The following GLIS3 variants were observed in gnomAD, a reference collection of about 807,000 sequenced individuals.
GLIS3 encodes GLIS family zinc finger 3, also known as zinc finger protein GLIS3.
A neutral mutation model predicts 78.6 loss-of-function variants in GLIS3; 53 were observed. The ratio of observed to expected loss-of-function variants is 0.67; its 90% CI spans 0.54 to 0.85. The LOEUF is 0.85. Ranked by LOEUF, GLIS3 falls within the 40% of genes least tolerant of loss-of-function variation. GLIS3 has a pLI of 0.00. For missense variants in GLIS3, 1,703 were observed against 1,231.1 expected (o/e 1.38, Z -5.74); for synonymous variants, 684 against 509.9 (o/e 1.34, Z -4.60).
At chr9:4,018,096 G>C (rs1428306386) in intron 4 of GLIS3, among the ~76,000 whole-genome samples, 1 of 152,136 alleles carries the variant, frequency 6.6e-6, no homozygotes, top group Admixed American at 6.5e-5. Flanking sequence ...TTGAAAGAGA[G>C]ACAAAACTCT....
intron 2 of GLIS3, among the ~76,000 whole-genome samples, chr9:4,126,889 T>C (rs806048): frequency 2.6e-5 from 4 of 152,282 alleles, no homozygotes; most frequent in African/African-American, 7.2e-5. Context: ...AAGCTTTACA[T>C]TGCAAATTTC....
At chr9:4,285,775 CCCTATTTTTTATCTTTCTATCTT>C in intron 2 of GLIS3, 1 of 485,572 alleles carries the variant, frequency 2.1e-6, no homozygotes. Flanking sequence ...CAGCCTGCCT[CCCTATTTTTTATCTTTCTATCTT>C]ACTGTTACTC....
chr9:4,033,395 G>A (rs1824015115), intron 4 of GLIS3, among the ~76,000 whole-genome samples: 2 of 152,140 alleles, frequency 1.3e-5, no homozygotes, highest in African/African-American at 4.8e-5. Context: ...AAGGCTCCAG[G>A]CCATTTGGGT....
At chr9:4,320,510 A>C (rs943036533) in intron 2 of GLIS3, among the ~76,000 whole-genome samples, 1 of 152,116 alleles carries the variant, frequency 6.6e-6, no homozygotes. Flanking sequence ...TATCAAATCT[A>C]TTTCTAAATT....
intron 2 of GLIS3, among the ~76,000 whole-genome samples, chr9:4,198,628 G>A (rs1396108096): frequency 6.6e-6 from 1 of 152,124 alleles, no homozygotes; most frequent in Non-Finnish European, 1.5e-5. Flanking sequence ...AAATACCTTG[G>A]AAAACATATT....
the GLIS3 span, among the ~76,000 whole-genome samples, chr9:4,453,359 A>AAAG: frequency 1.2e-4 from 17 of 146,602 alleles, no homozygotes; most frequent in South Asian, 1.3e-3. Context: ...AAAAAAAAAA[A>AAAG]AAAAAGAAAA....
chr9:4,322,671 G>C (rs542631949), intron 2 of GLIS3, among the ~76,000 whole-genome samples: 4 of 152,158 alleles, frequency 2.6e-5, no homozygotes, highest in Admixed American at 2.0e-4. Context: ...GTGATGATGA[G>C]CATTTTTTCA....
At chr9:4,274,725 G>C (rs886377658) in intron 2 of GLIS3, among the ~76,000 whole-genome samples, 1 of 152,190 alleles carries the variant, frequency 6.6e-6, no homozygotes, top group African/African-American at 2.4e-5. Context: ...CCCCTTCTGA[G>C]TGCAGGACCC....
intron 4 of GLIS3, among the ~76,000 whole-genome samples, chr9:4,045,900 A>G (rs968923213): frequency 5.3e-5 from 8 of 152,186 alleles, no homozygotes; most frequent in African/African-American, 1.9e-4. Context: ...TTTAAACTGA[A>G]GAAGAAAGAT....
chr9:4,022,011 C>T (rs999937544), intron 4 of GLIS3, among the ~76,000 whole-genome samples: 1 of 152,170 alleles, frequency 6.6e-6, no homozygotes, highest in Non-Finnish European at 1.5e-5. Flanking sequence ...GTCTCCAAAG[C>T]ACTTAGGCAC....
At chr9:4,346,951 C>CAAAA (rs1171410732) in intron 2 of GLIS3, 1 of 564 alleles carries the variant, frequency 1.8e-3, no homozygotes, top group African/African-American at 1.9e-3. Context: ...GACTCCGTCT[C>CAAAA]AAAAAAAAAA....
chr9:4,188,135 G>C (rs1176826097), intron 2 of GLIS3, among the ~76,000 whole-genome samples: 3 of 151,162 alleles, frequency 2.0e-5, no homozygotes, highest in Admixed American at 6.6e-5. Context: ...CTGTGGGTTT[G>C]TCATAGATAG....
chr9:4,026,863 CA>C (rs1823392475), intron 4 of GLIS3, among the ~76,000 whole-genome samples: 1 of 152,194 alleles, frequency 6.6e-6, no homozygotes, highest in African/African-American at 2.4e-5. Flanking sequence ...AATATCCTTT[CA>C]AGGTCGTGTT....
intron 6 of GLIS3, among the ~76,000 whole-genome samples, chr9:3,926,241 T>TC (rs1398242435): frequency 6.7e-6 from 1 of 149,838 alleles, no homozygotes. Flanking sequence ...TTGTTTTTTT[T>TC]TTTTTCTTTG....
chr9:3,837,217 C>T (rs979087324), intron 9 of GLIS3, among the ~76,000 whole-genome samples: 10 of 152,216 alleles, frequency 6.6e-5, no homozygotes, highest in Middle Eastern at 6.8e-3. Flanking sequence ...CTAACTAAGA[C>T]GAATTGGAGC....
At chr9:3,877,711 T>G (rs965951286) in intron 8 of GLIS3, among the ~76,000 whole-genome samples, 1 of 152,228 alleles carries the variant, frequency 6.6e-6, no homozygotes, top group Non-Finnish European at 1.5e-5. Context: ...TAATTCTGCC[T>G]CCTAAATAAT....
chr9:4,032,885 G>A (rs1414141383), intron 4 of GLIS3, among the ~76,000 whole-genome samples: 7 of 151,176 alleles, frequency 4.6e-5, no homozygotes, highest in African/African-American at 1.5e-4. Context: ...ACAGAGTCTC[G>A]CTCTGTCGCC....
chr9:3,898,426 A>C, intron 7 of GLIS3: 1 of 498,148 alleles, frequency 2.0e-6, no homozygotes, highest in South Asian at 2.0e-5. Flanking sequence ...CATAACTGCG[A>C]GGGTTGGGTA....
the GLIS3 span, among the ~76,000 whole-genome samples, chr9:4,387,530 T>C: frequency 0.9 from 137,428 of 152,262 alleles, 62,090 homozygotes; most frequent in Admixed American, 0.91. Context: ...CATTTAAAAT[T>C]TTTGAGAGAA....
Sources: gnomAD v4.1 joint callset for allele counts (sites outside exome capture counted in the v4.1 genomes callset) on GRCh38, gnomAD v4.1.1 for gene constraint, MANE v1.5 for transcripts, NCBI Gene and HGNC (gene_info 2026-07-23, HGNC 2026-07-21) for gene names.